Variants in MMP26 observed in about 807,000 individuals in gnomAD.
MMP26 encodes matrix metalloproteinase-26.
A neutral mutation model predicts 31.0 loss-of-function variants in MMP26; 33 were observed. That is an observed-to-expected ratio of 1.06 (90% CI 0.81 to 1.42). MMP26 has a LOEUF of 1.42. Among genes scored for constraint, MMP26 ranks in the 40% most tolerant of loss-of-function variants. The pLI is 0.00. For missense variants in MMP26, 347 were observed against 316.1 expected (o/e 1.10, Z -0.74); for synonymous variants, 122 against 114.9 (o/e 1.06, Z -0.40).
intron 1 of MMP26, among the ~76,000 whole-genome samples, chr11:4,755,876 A>G (rs7940372): frequency 0.086 from 13,111 of 152,088 alleles, 1,202 homozygotes; most frequent in African/African-American, 0.23. Context: ...ATACTAGCAT[A>G]AATCTTTAAA....
chr11:4,873,186 A>C (rs909252619), intron 2 of MMP26, among the ~76,000 whole-genome samples: 1 of 152,086 alleles, frequency 6.6e-6, no homozygotes, highest in Admixed American at 6.6e-5. Context: ...CTCGTTTACT[A>C]TCCTTGTCCC....
At chr11:4,746,194 T>G (rs529126350) in intron 1 of MMP26, among the ~76,000 whole-genome samples, 2 of 152,346 alleles carry the variant, frequency 1.3e-5, no homozygotes, top group South Asian at 4.1e-4. Context: ...CTCACATTAT[T>G]AATTCTCACT....
intron 2 of MMP26, among the ~76,000 whole-genome samples, chr11:4,985,889 A>C (rs1031558535): frequency 6.6e-6 from 1 of 152,202 alleles, no homozygotes; most frequent in Non-Finnish European, 1.5e-5. Context: ...AATCCCCTCC[A>C]TGACAGAGGC....
At chr11:4,866,909 C>G (rs1264338864) in intron 2 of MMP26, among the ~76,000 whole-genome samples, 1 of 152,136 alleles carries the variant, frequency 6.6e-6, no homozygotes, top group African/African-American at 2.4e-5. Flanking sequence ...GGACCCCTTC[C>G]TTACACCATA....
At chr11:4,723,312 C>A in intron 1 of MMP26, 1 of 1,007,684 alleles carries the variant, frequency 9.9e-7, no homozygotes, top group Non-Finnish European at 1.6e-6. Context: ...TCCCAGCCAG[C>A]ATCTGCAGCT....
At chr11:4,791,056 G>A (rs1849019926) in intron 2 of MMP26, among the ~76,000 whole-genome samples, 1 of 152,016 alleles carries the variant, frequency 6.6e-6, no homozygotes, top group Non-Finnish European at 1.5e-5. Context: ...ATTCTCAATT[G>A]TCTCATCAAT....
intron 2 of MMP26, among the ~76,000 whole-genome samples, chr11:4,878,857 T>A (rs1589927109): frequency 6.6e-6 from 1 of 152,144 alleles, no homozygotes; most frequent in East Asian, 1.9e-4. Flanking sequence ...AGTTACTTGA[T>A]CTTCCTTGAT....
chr11:4,976,842 T>G (rs751960876), intron 2 of MMP26, among the ~76,000 whole-genome samples: 2 of 152,096 alleles, frequency 1.3e-5, no homozygotes, highest in Non-Finnish European at 2.9e-5. Context: ...TTGATTGCTC[T>G]TTCGCCTGCA....
intron 2 of MMP26, among the ~76,000 whole-genome samples, chr11:4,903,268 C>T (rs577996020): frequency 1.3e-3 from 201 of 152,108 alleles, no homozygotes; most frequent in African/African-American, 4.6e-3. Context: ...TAACAGAGTA[C>T]GACAGGCTAT....
intron 1 of MMP26, among the ~76,000 whole-genome samples, chr11:4,724,868 G>T (rs373007752): frequency 1.8e-4 from 27 of 152,148 alleles, no homozygotes; most frequent in African/African-American, 4.6e-4. Context: ...ATTCACTAAA[G>T]AATTAAAAAA....
chr11:4,941,470 A>T (rs1376078180), intron 2 of MMP26, among the ~76,000 whole-genome samples: 1 of 152,222 alleles, frequency 6.6e-6, no homozygotes, highest in African/African-American at 2.4e-5. Context: ...ACAGTTGGTG[A>T]TAATGAATTG....
intron 2 of MMP26, among the ~76,000 whole-genome samples, chr11:4,933,662 C>T (rs1484587779): frequency 1.3e-5 from 2 of 150,972 alleles, no homozygotes; most frequent in East Asian, 2.0e-4. Context: ...CGTGCTGGTG[C>T]GCTGCACCCA....
intron 2 of MMP26, among the ~76,000 whole-genome samples, chr11:4,933,905 A>T (rs1851391488): frequency 6.7e-6 from 1 of 148,930 alleles, no homozygotes; most frequent in South Asian, 2.1e-4. Context: ...ACGTGAACTC[A>T]TCATTTTTTA....
intron 2 of MMP26, among the ~76,000 whole-genome samples, chr11:4,893,303 C>T (rs969645786): frequency 2.6e-5 from 4 of 152,090 alleles, no homozygotes; most frequent in Non-Finnish European, 2.9e-5. Flanking sequence ...CAATATTTCT[C>T]TTTATGTTTA....
intron 2 of MMP26, among the ~76,000 whole-genome samples, chr11:4,904,936 G>GGTA (rs1850860492): frequency 1.3e-5 from 2 of 152,094 alleles, no homozygotes; most frequent in Admixed American, 6.5e-5. Context: ...CAATGTGCAT[G>GGTA]GTAGTAATGG....
At chr11:4,870,947 A>G (rs1322396397) in intron 2 of MMP26, among the ~76,000 whole-genome samples, 1 of 152,146 alleles carries the variant, frequency 6.6e-6, no homozygotes, top group Non-Finnish European at 1.5e-5. Context: ...GTTAAAGTAG[A>G]GGAAAAAAGA....
In MMP26 at chr11:4,963,745, G is replaced by A. The variant is rs189426373; in HGVS notation, c.-144-24323G>A. On this transcript the variant is annotated intron_variant, in intron 2 of 7. Coordinates refer to ENST00000380390, the MANE Select transcript of MMP26 (RefSeq NM_021801.5). ...ACACTCTTACCAATGGTGTAAAAGC[G>A]TTCCTTTTTCTCCACAACCTCACCA... Among the ~76,000 whole-genome samples the A allele has an allele frequency of 8.7e-4, 132 of 152,226 alleles. 1 individual carries two copies. The highest frequency in any genetic ancestry group is 6.6e-3 in the East Asian group (34 of 5,180).
intron 2 of MMP26, among the ~76,000 whole-genome samples, chr11:4,966,953 C>A (rs1000250580): frequency 6.6e-6 from 1 of 152,106 alleles, no homozygotes; most frequent in African/African-American, 2.4e-5. Flanking sequence ...ATGGCAGTGG[C>A]AATATGACTA....
chr11:4,916,310 C>T (rs889989100), intron 2 of MMP26, among the ~76,000 whole-genome samples: 3 of 152,198 alleles, frequency 2.0e-5, no homozygotes, highest in Admixed American at 2.0e-4. Context: ...TCCTTGCTCT[C>T]TGCTCCTTCA....
Sources: allele counts gnomAD v4.1 joint callset (sites outside exome capture counted in the v4.1 genomes callset), GRCh38; gene constraint gnomAD v4.1.1; transcripts MANE v1.5; gene names NCBI Gene and HGNC (gene_info 2026-07-23, HGNC 2026-07-21).